The following RIPOR1 variants were observed in gnomAD, a reference collection of about 807,000 sequenced individuals.
RIPOR1 encodes rho family-interacting cell polarization regulator 1.
Under a neutral mutation model 116.5 loss-of-function variants are expected in RIPOR1, and 58 were observed. The ratio of observed to expected loss-of-function variants is 0.50; its 90% CI spans 0.40 to 0.62. The LOEUF (loss-of-function observed/expected upper bound fraction) is 0.62. Ranked by LOEUF, RIPOR1 falls within the 20% of genes least tolerant of loss-of-function variation. The pLI is 0.00. For missense variants in RIPOR1, 1,372 were observed against 1,586.2 expected (o/e 0.86, Z 2.29); for synonymous variants, 605 against 650.0 (o/e 0.93, Z 1.05).
rs2051032113 is a variant in RIPOR1, at chr16:67,542,792, C to A, written c.2006C>A (p.Thr669Lys). The A allele has an allele frequency of 6.2e-7, 1 of 1,614,030 alleles. No individual in the cohort carries two copies. The highest frequency in any genetic ancestry group is 8.5e-7 in the Non-Finnish European group (1 of 1,179,998). The change falls in exon 13 of 22, where the codon ACA becomes AAA. Residue 669 changes from threonine (T) to lysine (K), a missense_variant. By Grantham distance (78) the Thr-to-Lys change is moderately conservative. Transcript: ENST00000042381. This position sits in a 1 kb window ranked among gnomAD's most constrained non-coding sequence, Gnocchi z 4.6. The stretch of plus-strand genomic sequence containing the variant: ...ACCACAAGCCCCACCCATCCCACCA[C>A]AAGCCCCATCCTTATAAATGTAAGC... ...HPTTSPTHPTTSPILINVSPS... is the reference protein window; with the variant it reads ...HPTTSPTHPTKSPILINVSPS...
upstream of RIPOR1, among the ~76,000 whole-genome samples, chr16:67,524,139 T>C (rs1229683385): frequency 6.6e-6 from 1 of 152,166 alleles, no homozygotes; most frequent in Admixed American, 6.6e-5. Flanking sequence ...CTTCTTCAAA[T>C]AGCAATTTTA....
intron 1 of RIPOR1, among the ~76,000 whole-genome samples, chr16:67,521,770 T>A (rs1423754082): frequency 2.6e-5 from 4 of 152,192 alleles, no homozygotes; most frequent in Non-Finnish European, 4.4e-5. Context: ...CCTAGAAATT[T>A]ACACCTCCTC....
upstream of RIPOR1, among the ~76,000 whole-genome samples, chr16:67,524,985 C>T (rs1470388087): frequency 6.6e-6 from 1 of 152,242 alleles, no homozygotes; most frequent in Non-Finnish European, 1.5e-5. Flanking sequence ...ATCCTTGCTC[C>T]CCAGCCGGCC....
At position 67,538,535 on chromosome 16, in the gene RIPOR1, A is replaced by G. The variant is rs1217245961; in HGVS notation, c.89A>G (p.His30Arg). ...TCCTTCGCAGGCGTCCTCGGCAGCC[A>G]CGAGCGGGGGCCCAGGTACGCGGCC... ...SQSFAGVLGS[H>R]ERGPRSFPVF... Residue 30 changes from histidine to arginine, a missense_variant, in exon 2 of 22, where the codon CAC (histidine) becomes CGC (arginine). This residue lies in a region of RIPOR1 where 165 missense variants were observed against 145.5 expected (regional missense o/e 1.13). Coordinates refer to ENST00000042381, the MANE Select transcript of RIPOR1 (RefSeq NM_024519.4). The G allele has an allele frequency of 6.2e-7, 1 of 1,612,278 alleles. No individual in the cohort carries two copies. The highest frequency in any genetic ancestry group is 2.2e-5 in the East Asian group (1 of 44,858).
At chr16:67,539,611 G>T in intron 4 of RIPOR1, 117 bp from the exon 5 acceptor site, 1 of 1,244,382 alleles carries the variant, frequency 8.0e-7, no homozygotes. Context: ...TTGCTACTGT[G>T]ACAGGAGTGC....
chr16:67,521,203 T>A (rs1032596494), intron 1 of RIPOR1, among the ~76,000 whole-genome samples: 2 of 152,224 alleles, frequency 1.3e-5, no homozygotes, highest in African/African-American at 2.4e-5. Flanking sequence ...CCCCTTGAGC[T>A]GGCGGTATTT....
Position 67,546,245 on chromosome 16 carries a change from A to G in RIPOR1, c.3562+14A>G, listed in dbSNP as rs1597661156. On this transcript the variant is annotated intron_variant, in intron 21 of 21. Transcript: ENST00000042381. Reference sequence around the variant, plus strand: ...TACAGCAGTGTGGTGAGGCTGGGGGATGGAAGAGATGGGTGGAGTTCTGGG... The same window carrying G: ...TACAGCAGTGTGGTGAGGCTGGGGGGTGGAAGAGATGGGTGGAGTTCTGGG... The G allele has an allele frequency of 6.2e-7, 1 of 1,613,520 alleles. No homozygotes were observed. Among genetic ancestry groups the G allele is most frequent in the Non-Finnish European group, 8.5e-7 (1 of 1,179,628 alleles).
chr16:67,529,739 C>G lies in RIPOR1; in HGVS notation c.-24+825C>G. 1.3e-6 allele frequency: 2 copies of G among 1,533,018 alleles called. No homozygotes were observed. The highest frequency in any genetic ancestry group is 1.7e-6 in the Non-Finnish European group (2 of 1,145,934). 95.0% of individuals were successfully genotyped at this position (1,533,018 alleles called of 1,614,324 possible). A position where few individuals can be genotyped will look rare whatever the true frequency, so the allele number is the denominator to read the frequency against. ...ACCTACTGTGCGCAGCCTCGTGTAA[C>G]AATACTTGTGCCCTGGCTGCAGTCT... On this transcript the variant is annotated intron_variant, in intron 1 of 21. Coordinates refer to ENST00000042381, the MANE Select transcript of RIPOR1 (RefSeq NM_024519.4). This position sits in a 1 kb window ranked among gnomAD's most constrained non-coding sequence, Gnocchi z 4.1.
rs762003833 is a variant in RIPOR1, at chr16:67,545,839, G to A, written c.3366G>A (p.Leu1122=). The A allele has an allele frequency of 4.4e-5, 71 of 1,607,528 alleles. No homozygotes were observed. Among genetic ancestry groups the A allele is most frequent in the Non-Finnish European group, 6.0e-5 (71 of 1,176,562 alleles). ...GCACCCAGCTCCGGAGCCTGTCACTGGGCCCTACCTTCCGGGAGAGGGTGA... is the reference window on the plus strand; with the variant it reads ...GCACCCAGCTCCGGAGCCTGTCACTAGGCCCTACCTTCCGGGAGAGGGTGA... ...AVSTQLRSLS[L]GPTFRERALL... is the part of the protein sequence containing the mutation. The change falls in exon 19 of 22, where the codon CTG becomes CTA. Residue 1122 remains leucine (L), a synonymous_variant. Coordinates refer to ENST00000042381, the MANE Select transcript of RIPOR1 (RefSeq NM_024519.4). The surrounding 1 kb of genome is among the most constrained non-coding windows in gnomAD (Gnocchi z 4.8).
Position 67,545,876 on chromosome 16 carries a change from C to G in RIPOR1, c.3387+16C>G. The G allele has an allele frequency of 6.2e-7, 1 of 1,609,580 alleles. No individual in the cohort carries two copies. Among genetic ancestry groups the G allele is most frequent in the African/African-American group, 1.3e-5 (1 of 75,004 alleles). On this transcript the variant is annotated intron_variant, in intron 19 of 21. Coordinates refer to ENST00000042381, the MANE Select transcript of RIPOR1 (RefSeq NM_024519.4). The surrounding 1 kb of genome is among the most constrained non-coding windows in gnomAD (Gnocchi z 4.8). Reference sequence around the variant, plus strand: ...CCGGGAGAGGGTGAGTTGGACAGGGCTCCCTTGAGGGCGAGGGCTGGGGTC... The same window carrying G: ...CCGGGAGAGGGTGAGTTGGACAGGGGTCCCTTGAGGGCGAGGGCTGGGGTC...
intron 1 of RIPOR1, among the ~76,000 whole-genome samples, chr16:67,533,364 G>A (rs2050711163): frequency 6.6e-6 from 1 of 152,158 alleles, no homozygotes; most frequent in South Asian, 2.1e-4. Context: ...ACATTTAGAT[G>A]GCATTGAGCT....
Position 67,538,834 on chromosome 16 carries a change from T to A in RIPOR1, c.257+10T>A, listed in dbSNP as rs2050885108. ...TGAAGCGGGGCCTGACGTGAGCAGC[T>A]CCTCTGTTCCCAGCCCTGTCCCGGG... On this transcript the variant is annotated intron_variant, in intron 3 of 21. Transcript: ENST00000042381. The A allele has an allele frequency of 1.2e-6, 2 of 1,612,314 alleles. No homozygotes were observed. Among genetic ancestry groups the A allele is most frequent in the Non-Finnish European group, 8.5e-7 (1 of 1,179,712 alleles).
rs913762058 is a variant in RIPOR1 at position 67,545,270 on chromosome 16, G to C, written c.3032-106G>C. The C allele has an allele frequency of 2.0e-5, 31 of 1,521,498 alleles. No individual in the cohort carries two copies. The highest frequency in any genetic ancestry group is 2.8e-5 in the Non-Finnish European group (31 of 1,122,876). 94.2% of individuals were successfully genotyped at this position (1,521,498 alleles called of 1,614,324 possible). On this transcript the variant is annotated intron_variant, in intron 17 of 21. Coordinates refer to ENST00000042381, the MANE Select transcript of RIPOR1 (RefSeq NM_024519.4). This position sits in a 1 kb window ranked among gnomAD's most constrained non-coding sequence, Gnocchi z 4.8. The stretch of plus-strand genomic sequence containing the variant: ...AGAGCAGAAGGACCCAGATGGGTGG[G>C]GTTTGAACAGGGGGCCCCTGGACCT...
chr16:67,538,937 G>A, intron 3 of RIPOR1, 53 bp from the exon 4 acceptor site: 1 of 1,610,416 alleles, frequency 6.2e-7, no homozygotes. Flanking sequence ...TGCACCCTGG[G>A]CAGCATGAGG....
chr16:67,546,655 G>A lies in RIPOR1; in HGVS notation c.*192G>A, dbSNP rs538514877. 6.2e-5 allele frequency: 37 copies of A among 593,090 alleles called. No homozygotes were observed. In the Admixed American group the frequency reaches 1.0e-3, roughly 16 times the overall value. 36.7% of individuals were successfully genotyped at this position (593,090 alleles called of 1,614,324 possible). On this transcript the variant is annotated 3_prime_UTR_variant, in exon 22 of 22. Transcript: ENST00000042381. The stretch of plus-strand genomic sequence containing the variant: ...CTGCAGTCAAGTGCCTCCCAGCCTC[G>A]GCTCAGCACATCCCTTGCCACAAAT...
Position 67,543,492 on chromosome 16 carries a change from G to A in RIPOR1, c.2600+23G>A, listed in dbSNP as rs1160676104. 4 of 1,547,276 alleles carry A rather than the reference G, an allele frequency of 2.6e-6. No individual in the cohort carries two copies. The highest frequency in any genetic ancestry group is 8.7e-7 in the Non-Finnish European group (1 of 1,146,940). ...CAGGTGAGGGGGCTAGGCAAGATGG[G>A]TGTGAGGCTAGGTGAGAGGGAAAAG... On this transcript the variant is annotated intron_variant, in intron 14 of 21. Coordinates refer to ENST00000042381, the MANE Select transcript of RIPOR1 (RefSeq NM_024519.4). The surrounding 1 kb of genome is among the most constrained non-coding windows in gnomAD (Gnocchi z 4.7).
chr16:67,543,000 A>G lies in RIPOR1; in HGVS notation c.2214A>G (p.Thr738=). 6.4e-7 allele frequency: 1 copy of G among 1,567,360 alleles called. No individual in the cohort carries two copies. The highest frequency in any genetic ancestry group is 1.2e-5 in the South Asian group (1 of 82,694). The change falls in exon 13 of 22, where the codon ACA becomes ACG. Residue 738 remains threonine, a synonymous_variant. Coordinates refer to ENST00000042381, the MANE Select transcript of RIPOR1 (RefSeq NM_024519.4). The surrounding 1 kb of genome is among the most constrained non-coding windows in gnomAD (Gnocchi z 4.6). ...SPAHSSRKPL[T]SPAPDPSEST... is the part of the protein sequence containing the mutation. ...CCCATTCCAGTAGGAAACCCCTCAC[A>G]AGCCCTGCCCCAGATCCCTCAGAGT...
In RIPOR1 at chr16:67,531,593, G is replaced by A. The variant is rs186800683; in HGVS notation, c.-24+2679G>A. The A allele has an allele frequency of 2.4e-5, 11 of 454,878 alleles. No homozygotes were observed. Among genetic ancestry groups the A allele is most frequent in the Admixed American group, 1.4e-4 (6 of 42,434 alleles). 28.2% of individuals were successfully genotyped at this position (454,878 alleles called of 1,614,324 possible). ...AGTAGTGGGAAGAAGGAATAGGAGC[G>A]ATGGGGGCTGCCGGTCAGATTCTGA... On this transcript the variant is annotated intron_variant, in intron 1 of 21. Transcript: ENST00000042381. This position sits in a 1 kb window ranked among gnomAD's most constrained non-coding sequence, Gnocchi z 4.2.
intron 1 of RIPOR1, among the ~76,000 whole-genome samples, chr16:67,520,022 A>G (rs35116386): frequency 0.013 from 1,829 of 138,562 alleles, 37 homozygotes; most frequent in African/African-American, 0.046. Context: ...AGATGGCGCC[A>G]TTGAACTCCA....
Sources: gnomAD v4.1 joint callset for allele counts (sites outside exome capture counted in the v4.1 genomes callset) on GRCh38, gnomAD v4.1.1 for gene constraint, gnomAD v4.1.1 regional missense constraint, Gnocchi (gnomAD v3.1) non-coding constraint, MANE v1.5 for transcripts, NCBI Gene and HGNC (gene_info 2026-07-23, HGNC 2026-07-21) for gene names.